The following DNAH14 variants were observed in gnomAD, a reference collection of about 807,000 sequenced individuals.
DNAH14 encodes dynein axonemal heavy chain 14, also known as axonemal beta dynein heavy chain 14.
A neutral mutation model predicts 520.9 loss-of-function variants in DNAH14; 478 were observed. The observed-to-expected ratio is 0.92, with a 90% CI of 0.85 to 0.99. DNAH14 has a LOEUF of 0.99. Ranked by LOEUF, DNAH14 falls within the 50% of genes least tolerant of loss-of-function variation. The probability of loss-of-function intolerance (pLI) is 0.00; values close to 1 mark genes in which losing one functional copy is unlikely to be tolerated. For synonymous variants in DNAH14, 1,581 were observed against 1,757.2 expected (o/e 0.90, Z 2.51); for missense variants, 4,831 against 5,234.5 (o/e 0.92, Z 2.38).
intron 7 of DNAH14, chr1:224,969,311 C>T (rs897334073): frequency 1.9e-5 from 3 of 161,278 alleles, no homozygotes; most frequent in African/African-American, 7.2e-5. Context: ...GTTAGGGGCT[C>T]TGACCCCCTA....
chr1:225,077,337 A>G (rs2072422398), intron 17 of DNAH14, among the ~76,000 whole-genome samples: 1 of 152,180 alleles, frequency 6.6e-6, no homozygotes, highest in Admixed American at 6.5e-5. Context: ...ATAAGTGAAA[A>G]TAGTCTATAA....
At chr1:224,970,851 A>G (rs2125625065) in intron 7 of DNAH14, among the ~76,000 whole-genome samples, 1 of 152,234 alleles carries the variant, frequency 6.6e-6, no homozygotes, top group South Asian at 2.1e-4. Flanking sequence ...CTGTGCATAT[A>G]TTTATTTATA....
At chr1:225,173,851 G>C (rs1417929060) in intron 36 of DNAH14, among the ~76,000 whole-genome samples, 1 of 152,142 alleles carries the variant, frequency 6.6e-6, no homozygotes, top group Non-Finnish European at 1.5e-5. Context: ...CAAAGACTTG[G>C]AACCAATCCA....
At chr1:225,355,181 G>A (rs527349782) in intron 73 of DNAH14, among the ~76,000 whole-genome samples, 8 of 152,316 alleles carry the variant, frequency 5.3e-5, no homozygotes, top group African/African-American at 1.9e-4. Context: ...GGACCCAGCA[G>A]ATTCAGTGGC....
chr1:225,284,033 A>G (rs949859959), intron 54 of DNAH14, among the ~76,000 whole-genome samples: 1 of 152,156 alleles, frequency 6.6e-6, no homozygotes, highest in African/African-American at 2.4e-5. Context: ...ATCTATAGCT[A>G]TAAATACTTA....
rs769307952 is a variant in DNAH14 at position 225,337,638 on chromosome 1, CAG to C, written c.10311+147_10311+148del. 10 of 668,436 alleles carry C rather than the reference CAG, an allele frequency of 1.5e-5. No homozygotes were observed. The African/African-American group carries it at 1.6e-4, about 11-fold the overall frequency. 41.4% of individuals were successfully genotyped at this position (668,436 alleles called of 1,614,324 possible). A position where few individuals can be genotyped will look rare whatever the true frequency, so the allele number is the denominator to read the frequency against. ...ACATACACACATATATACTTACAGA[CAG>C]AGAGTGAGTTTTCAATGCTCAGTTC... is the stretch of plus-strand genomic sequence containing the variant. On this transcript the variant is annotated intron_variant, in intron 67 of 85. Transcript: ENST00000682510.
chr1:225,364,837 G>A lies in DNAH14; in HGVS notation c.12033G>A (p.Trp4011Ter), dbSNP rs2095533563. 6.5e-7 allele frequency: 1 copy of A among 1,548,898 alleles called. No homozygotes were observed. Among genetic ancestry groups the A allele is most frequent in the Non-Finnish European group, 8.7e-7 (1 of 1,146,024 alleles). ...CAATAGACCCTGAGTTTCGGCTATG[G>A]TTAAGCTCAAAATCATACAGTTCTT... ...NVTIDPEFRL[W>*]LSSKSYSSFP... is the part of the protein sequence containing the mutation. Residue 4011 changes from tryptophan to a stop codon, truncating the protein, a stop_gained, in exon 76 of 86, where the codon TGG becomes TGA. Transcript: ENST00000682510. LOFTEE classifies it high-confidence loss of function.
chr1:225,338,246 C>T, intron 68 of DNAH14, 64 bp downstream of exon 68: 1 of 1,516,696 alleles, frequency 6.6e-7, no homozygotes, highest in Non-Finnish European at 9.0e-7. Flanking sequence ...ATATTGAATG[C>T]CTTGTATTTC....
chr1:225,265,162 T>G lies in DNAH14; in HGVS notation c.7223-20T>G. 5 of 1,422,978 alleles carry G rather than the reference T, an allele frequency of 3.5e-6. No homozygotes were observed. Among genetic ancestry groups the G allele is most frequent in the Middle Eastern group, 2.2e-4 (1 of 4,488 alleles). The allele number at this position is 1,422,978 out of a possible 1,614,324, so 88.1% of individuals were successfully genotyped here. A position where few individuals can be genotyped will look rare whatever the true frequency, so the allele number is the denominator to read the frequency against. Reference sequence around the variant, plus strand: ...AAAGTGTCCTAAATTTGTTTTTTCTTTCTATGTTTGGCATCACAGATAATC... The same window carrying G: ...AAAGTGTCCTAAATTTGTTTTTTCTGTCTATGTTTGGCATCACAGATAATC... On this transcript the variant is annotated intron_variant, in intron 47 of 85. Coordinates refer to ENST00000682510, the MANE Select transcript of DNAH14 (RefSeq NM_001367479.1).
At chr1:225,010,196 G>T (rs1403615390) in intron 10 of DNAH14, among the ~76,000 whole-genome samples, 1 of 152,138 alleles carries the variant, frequency 6.6e-6, no homozygotes, top group East Asian at 1.9e-4. Flanking sequence ...AATGCTTCCA[G>T]CTTTTGCCTG....
At chr1:224,984,885 G>C (rs1329180988) in intron 8 of DNAH14, among the ~76,000 whole-genome samples, 5 of 152,064 alleles carry the variant, frequency 3.3e-5, no homozygotes, top group Non-Finnish European at 2.9e-5. Context: ...CATCACTAAT[G>C]ATCAGGGAAA....
chr1:225,045,654 A>G (rs1475410064), intron 15 of DNAH14, among the ~76,000 whole-genome samples: 1 of 152,110 alleles, frequency 6.6e-6, no homozygotes, highest in African/African-American at 2.4e-5. Context: ...GTTTGAGGAT[A>G]TACATCTTGA....
chr1:225,090,311 C>T (rs1215323318), intron 21 of DNAH14, among the ~76,000 whole-genome samples: 2 of 152,074 alleles, frequency 1.3e-5, no homozygotes, highest in East Asian at 3.8e-4. Context: ...TGTCAAATAT[C>T]ACCAAATGGA....
At chr1:225,384,183 C>T (rs979746158) in intron 81 of DNAH14, among the ~76,000 whole-genome samples, 16 of 152,152 alleles carry the variant, frequency 1.1e-4, no homozygotes, top group South Asian at 1.0e-3. Flanking sequence ...GGAATAAGTG[C>T]GATGTGGTGC....
rs1322865085 is a variant in DNAH14, at chr1:225,192,820, C to A, written c.5795C>A (p.Thr1932Lys). 2 of 1,550,074 alleles carry A rather than the reference C, an allele frequency of 1.3e-6. No individual in the cohort carries two copies. Among genetic ancestry groups the A allele is most frequent in the African/African-American group, 1.4e-5 (1 of 72,942 alleles). ...TGGACTGATGGATTATTATCAGCAA[C>A]AATTCGAAGTTATGTATATTTTAAC... ...MEWTDGLLSATIRSYVYFNTP... is the reference protein window; with the variant it reads ...MEWTDGLLSAKIRSYVYFNTP... The change falls in exon 38 of 86, where the codon ACA (threonine) becomes AAA (lysine). Residue 1932 changes from threonine (T) to lysine (K), a missense_variant. Thr to Lys is a moderately conservative substitution (Grantham distance 78, BLOSUM62 -1). Transcript: ENST00000682510.
At position 225,086,341 on chromosome 1, in the gene DNAH14, A is replaced by G. The variant is rs367673378; in HGVS notation, c.3573+552A>G. Among the ~76,000 whole-genome samples, 213 of 151,830 alleles carry G rather than the reference A, an allele frequency of 1.4e-3. 1 individual carries two copies. The highest frequency in any genetic ancestry group is 5.1e-3 in the African/African-American group (210 of 41,428). On this transcript the variant is annotated intron_variant, in intron 21 of 85. Coordinates refer to ENST00000682510, the MANE Select transcript of DNAH14 (RefSeq NM_001367479.1). The stretch of plus-strand genomic sequence containing the variant: ...AGTAGAGACGGGATTTCACTGTGTT[A>G]GCCAGGATGGTCTCGATCTCCTGAC...
Position 225,172,669 on chromosome 1 carries a change from G to A in DNAH14, c.5535+4641G>A, listed in dbSNP as rs1000011449. 4.0e-4 allele frequency among the ~76,000 whole-genome samples: 61 copies of A among 152,174 alleles called. 1 individual carries two copies. Among genetic ancestry groups the A allele is most frequent in the Non-Finnish European group, 1.2e-4 (8 of 68,036 alleles). On this transcript the variant is annotated intron_variant, in intron 36 of 85. Coordinates refer to ENST00000682510, the MANE Select transcript of DNAH14 (RefSeq NM_001367479.1). ...CTCATGGGCAGAAAGAATCAATATC[G>A]TGCAAATGGCCATACTGCCCAAGGT...
intron 17 of DNAH14, among the ~76,000 whole-genome samples, chr1:225,052,392 G>T (rs1288428756): frequency 3.9e-5 from 6 of 152,136 alleles, no homozygotes; most frequent in African/African-American, 1.2e-4. Context: ...TTCTAGGACA[G>T]CTTAGATCCT....
intron 7 of DNAH14, 39 bp from the exon 8 acceptor site, chr1:224,974,052 T>A: frequency 7.5e-7 from 1 of 1,340,736 alleles, no homozygotes; most frequent in Non-Finnish European, 1.0e-6. Context: ...AAATACGTGG[T>A]TTATGGATAT....
Sources: gnomAD v4.1 joint callset for allele counts (sites outside exome capture counted in the v4.1 genomes callset) on GRCh38, gnomAD v4.1.1 for gene constraint, MANE v1.5 for transcripts, NCBI Gene and HGNC (gene_info 2026-07-23, HGNC 2026-07-21) for gene names.